The following RESF1 variants were observed in gnomAD, a reference collection of about 807,000 sequenced individuals.
RESF1 encodes gonad expressed transcript.
In RESF1, 65 loss-of-function variants were observed where a neutral mutation model predicts 134.7. The ratio of observed to expected loss-of-function variants is 0.48; its 90% confidence interval spans 0.40 to 0.59. The LOEUF is 0.59. RESF1 is among the 20% of genes least tolerant of loss of function. The probability of loss-of-function intolerance (pLI) is 0.00; values close to 1 mark genes in which losing one functional copy is unlikely to be tolerated. For missense variants in RESF1, 2,274 were observed against 2,002.7 expected (o/e 1.14, Z -2.59); for synonymous variants, 762 against 702.2 (o/e 1.09, Z -1.35).
rs1394690172 is a variant in RESF1, at chr12:31,983,723, C to A, written c.2768C>A (p.Pro923Gln). 6.2e-7 allele frequency: 1 copy of A among 1,613,658 alleles called. No individual in the cohort carries two copies. Among genetic ancestry groups the A allele is most frequent in the Non-Finnish European group, 8.5e-7 (1 of 1,180,002 alleles). The change falls in exon 4 of 6, where the codon CCA (proline) becomes CAA (glutamine). Residue 923 changes from proline to glutamine, a missense_variant. By Grantham distance (76) the Pro-to-Gln change is moderately conservative. Coordinates refer to ENST00000312561, the MANE Select transcript of RESF1 (RefSeq NM_018169.4). ...TCTCTTCCCTTGAAAATGGTTGAGCCACAGAAACCTTCTCTACCCAATCAG... is the reference window on the plus strand; with the variant it reads ...TCTCTTCCCTTGAAAATGGTTGAGCAACAGAAACCTTCTCTACCCAATCAG... ...FSSLPLKMVE[P>Q]QKPSLPNQQG...
intron 5 of RESF1, 43 bp downstream of exon 5, chr12:31,987,365 C>A (rs755053513): frequency 9.4e-7 from 1 of 1,059,748 alleles, no homozygotes; most frequent in Non-Finnish European, 1.4e-6. Context: ...ATCTCCCTAT[C>A]TGGTATATGG....
At chr12:31,979,386 A>G (rs1939718422) in intron 3 of RESF1, among the ~76,000 whole-genome samples, 1 of 152,174 alleles carries the variant, frequency 6.6e-6, no homozygotes, top group Non-Finnish European at 1.5e-5. Flanking sequence ...GACTGCCCCC[A>G]CTTGAAGCTA....
chr12:31,969,034 A>G (rs1939455846), intron 2 of RESF1, among the ~76,000 whole-genome samples: 1 of 151,684 alleles, frequency 6.6e-6, no homozygotes, highest in South Asian at 2.1e-4. Context: ...TCGACTTCCC[A>G]TGCTCAAGTG....
At chr12:31,961,581 C>T (rs1257145544) in intron 2 of RESF1, among the ~76,000 whole-genome samples, 2 of 152,200 alleles carry the variant, frequency 1.3e-5, no homozygotes, top group African/African-American at 4.8e-5. Flanking sequence ...TGGCCTGGGA[C>T]ATGTAATGCT....
At chr12:31,975,248 G>C (rs1592255685) in intron 3 of RESF1, among the ~76,000 whole-genome samples, 2 of 152,176 alleles carry the variant, frequency 1.3e-5, no homozygotes, top group East Asian at 3.9e-4. Context: ...CTGGGCGACA[G>C]AGCGAGACTC....
chr12:31,992,775 C>A lies in RESF1; in HGVS notation c.*240C>A. The A allele has an allele frequency of 2.1e-6, 1 of 469,964 alleles. No individual in the cohort carries two copies. Among genetic ancestry groups the A allele is most frequent in the Non-Finnish European group, 3.8e-6 (1 of 262,764 alleles). The allele number at this position is 469,964 out of a possible 1,614,324, so 29.1% of individuals were successfully genotyped here. Reference sequence around the variant, plus strand: ...GTATTTGAATTTCTACTTTATTGAACCAGATTTACCATTATTTTAAAAGGA... The same window carrying A: ...GTATTTGAATTTCTACTTTATTGAAACAGATTTACCATTATTTTAAAAGGA... On this transcript the variant is annotated 3_prime_UTR_variant, in exon 6 of 6. Coordinates refer to ENST00000312561, the MANE Select transcript of RESF1 (RefSeq NM_018169.4).
Position 31,982,107 on chromosome 12 carries a change from G to A in RESF1, c.1152G>A (p.Leu384=). The part of the protein sequence containing the change: ...DSCNPTSNQV[L]DTSVAKEKLV... ...GCAATCCAACTTCAAATCAAGTACT[G>A]GACACAAGTGTTGCAAAAGAAAAGC... Residue 384 remains leucine, a synonymous_variant, in exon 4 of 6, where the codon CTG becomes CTA. Transcript: ENST00000312561. 6.2e-7 allele frequency: 1 copy of A among 1,613,948 alleles called. No individual in the cohort carries two copies. The highest frequency in any genetic ancestry group is 8.5e-7 in the Non-Finnish European group (1 of 1,179,996).
Position 31,984,030 on chromosome 12 carries a change from A to C in RESF1, c.3075A>C (p.Ile1025=), listed in dbSNP as rs1939886350. The C allele has an allele frequency of 1.2e-6, 2 of 1,614,096 alleles. No homozygotes were observed. The highest frequency in any genetic ancestry group is 1.7e-6 in the Non-Finnish European group (2 of 1,179,976). The change falls in exon 4 of 6, where the codon ATA becomes ATC. Residue 1025 remains isoleucine, a synonymous_variant. Transcript: ENST00000312561. ...AGGAGGATATTTACCCTCAGGAAAT[A>C]GATGCATCCAGCAACTATACTCCCC... The part of the protein sequence containing the change: ...AIQEDIYPQE[I]DASSNYTPQD...
intron 5 of RESF1, among the ~76,000 whole-genome samples, chr12:31,991,145 C>G (rs1940085222): frequency 6.6e-6 from 1 of 151,448 alleles, no homozygotes; most frequent in Non-Finnish European, 1.5e-5. Context: ...CTGCAATAAG[C>G]CCTGATGCAG....
Position 31,984,812 on chromosome 12 carries a change from T to G in RESF1, c.3857T>G (p.Leu1286Arg). ...AGQFSSKCDKLNPLQNHKRKK... is the reference protein window; with the variant it reads ...AGQFSSKCDKRNPLQNHKRKK... Reference sequence around the variant, plus strand: ...CAGTTTTCATCTAAATGTGATAAACTAAATCCCTTGCAAAATCACAAAAGA... The same window carrying G: ...CAGTTTTCATCTAAATGTGATAAACGAAATCCCTTGCAAAATCACAAAAGA... The change falls in exon 4 of 6, where the codon CTA becomes CGA. Residue 1286 changes from leucine (L) to arginine (R), a missense_variant. By Grantham distance (102) the Leu-to-Arg change is moderately radical. Transcript: ENST00000312561. The G allele has an allele frequency of 5.0e-6, 8 of 1,607,572 alleles. No homozygotes were observed. The highest frequency in any genetic ancestry group is 6.8e-6 in the Non-Finnish European group (8 of 1,178,608).
At chr12:31,963,045 T>TG (rs1403496142) in intron 2 of RESF1, among the ~76,000 whole-genome samples, 1 of 150,580 alleles carries the variant, frequency 6.6e-6, no homozygotes, top group Admixed American at 6.6e-5. Flanking sequence ...CTAGCTCGGG[T>TG]GACAGAGTGA....
chr12:31,968,860 T>G (rs1388992140), intron 2 of RESF1, among the ~76,000 whole-genome samples: 1 of 152,252 alleles, frequency 6.6e-6, no homozygotes, highest in African/African-American at 2.4e-5. Flanking sequence ...TGAAAGACTT[T>G]TATGCCTGTC....
At chr12:31,979,796 A>G (rs1939732185) in intron 3 of RESF1, among the ~76,000 whole-genome samples, 1 of 151,272 alleles carries the variant, frequency 6.6e-6, no homozygotes, top group Non-Finnish European at 1.5e-5. Flanking sequence ...GGCTCAAGAG[A>G]TCTTCCTGCC....
intron 5 of RESF1, among the ~76,000 whole-genome samples, chr12:31,991,212 C>T (rs1279091087): frequency 1.5e-5 from 2 of 136,496 alleles, no homozygotes; most frequent in Non-Finnish European, 3.2e-5. Flanking sequence ...AAAAAAAAAC[C>T]CACAGGAGAA....
chr12:31,977,901 G>C (rs1204960374), intron 3 of RESF1, among the ~76,000 whole-genome samples: 1 of 150,060 alleles, frequency 6.7e-6, no homozygotes, highest in African/African-American at 2.4e-5. Flanking sequence ...CACCTCCCAG[G>C]CTCAAGTAAT....
Position 31,984,271 on chromosome 12 carries a change from A to G in RESF1, c.3316A>G (p.Ile1106Val), listed in dbSNP as rs1002136463. ...CAAAGACCCAGCAGATCAAATACAA[A>G]TTACAATATTAAGCTCAGAGCAAAT... Reference protein sequence around the residue: ...DSKDPADQIQITILSSEQMKE... With the variant: ...DSKDPADQIQVTILSSEQMKE... The change falls in exon 4 of 6, where the codon ATT becomes GTT. Residue 1106 changes from isoleucine (I) to valine (V), a missense_variant. Transcript: ENST00000312561. 1.1e-5 allele frequency: 18 copies of G among 1,613,836 alleles called. No individual in the cohort carries two copies. Among genetic ancestry groups the G allele is most frequent in the Non-Finnish European group, 1.5e-5 (18 of 1,179,990 alleles).
chr12:31,967,384 A>G (rs1344946420), intron 2 of RESF1, among the ~76,000 whole-genome samples: 1 of 152,242 alleles, frequency 6.6e-6, no homozygotes, highest in Non-Finnish European at 1.5e-5. Context: ...AGTTCTTTAC[A>G]TACAGATTTT....
intron 3 of RESF1, among the ~76,000 whole-genome samples, chr12:31,979,137 G>A (rs913481980): frequency 2.0e-5 from 3 of 152,014 alleles, no homozygotes; most frequent in African/African-American, 7.2e-5. Flanking sequence ...AGCCAGGATG[G>A]TCTCGATCTC....
At chr12:31,967,759 C>T (rs533773639) in intron 2 of RESF1, among the ~76,000 whole-genome samples, 2 of 152,074 alleles carry the variant, frequency 1.3e-5, no homozygotes, top group South Asian at 4.1e-4. Flanking sequence ...CACCACCCAG[C>T]GTGGAAGAAT....
Sources: gnomAD v4.1 joint callset for allele counts (sites outside exome capture counted in the v4.1 genomes callset) on GRCh38, gnomAD v4.1.1 for gene constraint, MANE v1.5 for transcripts, NCBI Gene and HGNC (gene_info 2026-07-23, HGNC 2026-07-21) for gene names.